The following NACC1 variants were observed in gnomAD, a reference collection of about 807,000 sequenced individuals.
NACC1 encodes nucleus accumbens associated 1, also known as nucleus accumbens-associated protein 1.
In NACC1, 6 loss-of-function variants were observed where a neutral mutation model predicts 41.7. The ratio of observed to expected loss-of-function variants is 0.14; its 90% CI spans 0.08 to 0.28. The LOEUF (loss-of-function observed/expected upper bound fraction) is 0.28. NACC1 is among the 10% of genes least tolerant of loss of function. The probability of loss-of-function intolerance (pLI) is 1.00; values close to 1 mark genes in which losing one functional copy is unlikely to be tolerated. For synonymous variants in NACC1, 338 were observed against 330.6 expected, an observed-to-expected ratio of 1.02 and a Z score of -0.24; for missense variants, 434 against 763.7, an observed-to-expected ratio of 0.57 and a Z score of 5.09.
intron 1 of NACC1, among the ~76,000 whole-genome samples, chr19:13,119,403 C>T (rs1489672393): frequency 6.6e-6 from 1 of 152,150 alleles, no homozygotes; most frequent in Admixed American, 6.5e-5. Flanking sequence ...GAACACCTAG[C>T]TTAGGCATCT....
At position 13,136,372 on chromosome 19, in the gene NACC1, G is replaced by T; in HGVS notation, c.1087G>T (p.Gly363Cys). ...CTGCCACCCCAAGCTCTACGACGAG[G>T]GCGACCCCTCTGAGAAGCTGGAGCT... ...NRCHPKLYDEGDPSEKLELVT... is the reference protein window; with the variant it reads ...NRCHPKLYDECDPSEKLELVT... Residue 363 changes from glycine to cysteine, a missense_variant, in exon 3 of 6, where the codon GGC becomes TGC. Around this residue, in one of 4 missense-constraint regions of NACC1, gnomAD observed 70 missense variants for 206.9 expected, o/e 0.34. Coordinates refer to ENST00000292431, the MANE Select transcript of NACC1 (RefSeq NM_052876.4). The surrounding 1 kb of genome is among the most constrained non-coding windows in gnomAD (Gnocchi z 5.5). 1 of 1,613,996 alleles carries T rather than the reference G, an allele frequency of 6.2e-7. No homozygotes were observed. The highest frequency in any genetic ancestry group is 8.5e-7 in the Non-Finnish European group (1 of 1,179,964).
Position 13,139,954 on chromosome 19 carries a change from A to G in NACC1, c.*1548A>G, listed in dbSNP as rs1003236735. The stretch of plus-strand genomic sequence containing the variant: ...CTGCCTCCCCAACCCCCACCTACCC[A>G]CTGCTCCCAGGGGTCTCTCCAGGGG... On this transcript the variant is annotated 3_prime_UTR_variant, in exon 6 of 6. Coordinates refer to ENST00000292431, the MANE Select transcript of NACC1 (RefSeq NM_052876.4). The G allele has an allele frequency of 1.3e-5, 2 of 150,578 alleles. No individual in the cohort carries two copies. Among genetic ancestry groups the G allele is most frequent in the Non-Finnish European group, 3.0e-5 (2 of 67,664 alleles). The allele number at this position is 150,578 out of a possible 1,614,324, so 9.3% of individuals were successfully genotyped here.
Position 13,138,592 on chromosome 19 carries a change from G to A in NACC1, c.*186G>A. On this transcript the variant is annotated 3_prime_UTR_variant, in exon 6 of 6. Transcript: ENST00000292431. This position sits in a 1 kb window ranked among gnomAD's most constrained non-coding sequence, Gnocchi z 5.7. ...AGAGCTGGGCCGGGAGAGGACCGCAGGGCAGGTGGCGTGAGGTCCGTGTTG... is the reference window on the plus strand; with the variant it reads ...AGAGCTGGGCCGGGAGAGGACCGCAAGGCAGGTGGCGTGAGGTCCGTGTTG... 1.1e-6 allele frequency: 1 copy of A among 876,428 alleles called. No homozygotes were observed. The highest frequency in any genetic ancestry group is 1.7e-6 in the Non-Finnish European group (1 of 586,866). The allele number at this position is 876,428 out of a possible 1,614,324, so 54.3% of individuals were successfully genotyped here. A position where few individuals can be genotyped will look rare whatever the true frequency, so the allele number is the denominator to read the frequency against.
Position 13,136,980 on chromosome 19 carries a change from C to G in NACC1, c.1121-291C>G, listed in dbSNP as rs1175643496. Among the ~76,000 whole-genome samples the G allele has an allele frequency of 6.6e-6, 1 of 152,234 alleles. No individual in the cohort carries two copies. Among genetic ancestry groups the G allele is most frequent in the East Asian group, 1.9e-4 (1 of 5,206 alleles). ...TCTAGCTGGTGACAGCCAGCGTGCC[C>G]ACCTCACACAGGCTTGCGGCACGAC... On this transcript the variant is annotated intron_variant, in intron 3 of 5. Coordinates refer to ENST00000292431, the MANE Select transcript of NACC1 (RefSeq NM_052876.4). This position sits in a 1 kb window ranked among gnomAD's most constrained non-coding sequence, Gnocchi z 5.5.
In NACC1 at chr19:13,136,459, C is replaced by G. The variant is rs1470887828; in HGVS notation, c.1120+54C>G. ...CCTCCGCAGCTTTGGAGCCGGCTGG[C>G]CTGGGCTGGGCTGGGCAGCTGGTTA... is the stretch of plus-strand genomic sequence containing the variant. On this transcript the variant is annotated intron_variant, in intron 3 of 5. Coordinates refer to ENST00000292431, the MANE Select transcript of NACC1 (RefSeq NM_052876.4). This position sits in a 1 kb window ranked among gnomAD's most constrained non-coding sequence, Gnocchi z 5.5. The G allele has an allele frequency of 1.1e-5, 17 of 1,559,790 alleles. No homozygotes were observed. Among genetic ancestry groups the G allele is most frequent in the Non-Finnish European group, 1.4e-5 (16 of 1,153,918 alleles).
chr19:13,132,112 C>T (rs1159323377), intron 1 of NACC1, among the ~76,000 whole-genome samples: 2 of 151,344 alleles, frequency 1.3e-5, no homozygotes, highest in African/African-American at 2.4e-5. Context: ...CCACCTGACT[C>T]GGCCTCCCAA....
chr19:13,136,878 CTG>C lies in NACC1; in HGVS notation c.1121-389_1121-388del, dbSNP rs1184987697. ...ATCTCTTAAAAAAAGAAGAAGAAGA[CTG>C]TGTTTGGTCCTTGGGTCAGAGTGCC... On this transcript the variant is annotated intron_variant, in intron 3 of 5. Transcript: ENST00000292431. The surrounding 1 kb of genome is among the most constrained non-coding windows in gnomAD (Gnocchi z 5.5). Among the ~76,000 whole-genome samples the C allele has an allele frequency of 2.0e-5, 3 of 152,126 alleles. No individual in the cohort carries two copies. Among genetic ancestry groups the C allele is most frequent in the East Asian group, 1.9e-4 (1 of 5,182 alleles).
At position 13,136,650 on chromosome 19, in the gene NACC1, A is replaced by G. The variant is rs1440121120; in HGVS notation, c.1120+245A>G. ...GCATTGGCTATTATTGTTTGGCCGCATGGGTAGATTAGCTACTTCCCGGGC... is the reference window on the plus strand; with the variant it reads ...GCATTGGCTATTATTGTTTGGCCGCGTGGGTAGATTAGCTACTTCCCGGGC... On this transcript the variant is annotated intron_variant, in intron 3 of 5. Coordinates refer to ENST00000292431, the MANE Select transcript of NACC1 (RefSeq NM_052876.4). This position sits in a 1 kb window ranked among gnomAD's most constrained non-coding sequence, Gnocchi z 5.5. Among the ~76,000 whole-genome samples, 1 of 152,140 alleles carries G rather than the reference A, an allele frequency of 6.6e-6. No homozygotes were observed. The highest frequency in any genetic ancestry group is 1.5e-5 in the Non-Finnish European group (1 of 68,028).
intron 1 of NACC1, among the ~76,000 whole-genome samples, chr19:13,128,623 A>G (rs1213305306): frequency 6.6e-6 from 1 of 152,150 alleles, no homozygotes; most frequent in Non-Finnish European, 1.5e-5. Flanking sequence ...CCTAGATCTC[A>G]GCTCCAGTGT....
chr19:13,127,333 CAAAAAA>C (rs59958429), intron 1 of NACC1, among the ~76,000 whole-genome samples: 2 of 40,126 alleles, frequency 5.0e-5, no homozygotes, highest in African/African-American at 2.1e-4. Flanking sequence ...ACGTCTCTAC[CAAAAAA>C]AAAAAAAAAA....
At chr19:13,133,401 C>G (rs560815085) in intron 1 of NACC1, among the ~76,000 whole-genome samples, 1 of 152,232 alleles carries the variant, frequency 6.6e-6, no homozygotes, top group Non-Finnish European at 1.5e-5. Flanking sequence ...CCTTTGCCTT[C>G]CCTTTGCTTT....
intron 1 of NACC1, among the ~76,000 whole-genome samples, chr19:13,121,819 G>C (rs575466733): frequency 9.9e-5 from 15 of 152,260 alleles, no homozygotes; most frequent in African/African-American, 2.6e-4. Context: ...CTCAGCACTT[G>C]TACACACTCG....
In NACC1 at chr19:13,120,099, A is replaced by G. The variant is rs572663307; in HGVS notation, c.-9+1645A>G. Among the ~76,000 whole-genome samples, 49 of 151,648 alleles carry G rather than the reference A, an allele frequency of 3.2e-4. No individual in the cohort carries two copies. In the East Asian group the frequency reaches 9.3e-3, roughly 29 times the overall value. On this transcript the variant is annotated intron_variant, in intron 1 of 5. Transcript: ENST00000292431. ...CCTTCCCTTCTGCTCACCCCGGGGG[A>G]TGGGTCAATCCCCTTTGGGACAGAC...
intron 1 of NACC1, among the ~76,000 whole-genome samples, chr19:13,125,442 C>T (rs956652618): frequency 4.0e-5 from 5 of 124,860 alleles, no homozygotes; most frequent in Non-Finnish European, 8.0e-5. Context: ...TTTGGTGAGA[C>T]GGAGATTTAC....
At chr19:13,119,169 TA>T (rs749810308) in intron 1 of NACC1, among the ~76,000 whole-genome samples, 34 of 138,972 alleles carry the variant, frequency 2.4e-4, no homozygotes, top group Non-Finnish European at 4.4e-4. Flanking sequence ...TGGGCTAGGC[TA>T]GGGGGGATGT....
At chr19:13,120,987 C>T (rs958233787) in intron 1 of NACC1, among the ~76,000 whole-genome samples, 5 of 152,200 alleles carry the variant, frequency 3.3e-5, no homozygotes, top group African/African-American at 4.8e-5. Flanking sequence ...GGAAGCATCC[C>T]GGAGTAACAG....
chr19:13,124,136 C>G (rs999497678), intron 1 of NACC1, among the ~76,000 whole-genome samples: 1 of 152,166 alleles, frequency 6.6e-6, no homozygotes, highest in Non-Finnish European at 1.5e-5. Context: ...CAGTGGCTCA[C>G]GCCTGTAATC....
intron 1 of NACC1, among the ~76,000 whole-genome samples, chr19:13,123,528 T>C (rs1257764542): frequency 6.6e-6 from 1 of 152,054 alleles, no homozygotes; most frequent in Non-Finnish European, 1.5e-5. Context: ...AGAGAATAGC[T>C]GCAGTTGGGA....
chr19:13,121,143 C>T (rs758972641), intron 1 of NACC1, among the ~76,000 whole-genome samples: 3 of 151,954 alleles, frequency 2.0e-5, no homozygotes, highest in East Asian at 1.9e-4. Context: ...GATGGGTGGC[C>T]GGAAGTGTTC....
Sources: gnomAD v4.1 joint callset for allele counts (sites outside exome capture counted in the v4.1 genomes callset) on GRCh38, gnomAD v4.1.1 for gene constraint, gnomAD v4.1.1 regional missense constraint, Gnocchi (gnomAD v3.1) non-coding constraint, MANE v1.5 for transcripts, NCBI Gene and HGNC (gene_info 2026-07-23, HGNC 2026-07-21) for gene names.